RNF212B: variants seen among roughly 807,000 people sequenced by gnomAD.
RNF212B encodes the protein E3 ubiquitin-protein ligase RNF212B.
RNF212B carries 52 observed loss-of-function variants against 55.5 expected under a neutral mutation model. The ratio of observed to expected loss-of-function variants is 0.94; its 90% CI spans 0.75 to 1.18. RNF212B has a LOEUF of 1.18. RNF212B is among the 50% of genes most tolerant of loss of function. The pLI, the probability that RNF212B is intolerant of heterozygous loss-of-function variation, is 0.00. For missense variants in RNF212B, 289 were observed against 350.4 expected (o/e 0.82, Z 1.40); for synonymous variants, 99 against 121.4 (o/e 0.82, Z 1.21).
chr14:23,263,642 C>T (rs893369309), intron 9 of RNF212B, among the ~76,000 whole-genome samples: 1 of 152,122 alleles, frequency 6.6e-6, no homozygotes, highest in African/African-American at 2.4e-5. Flanking sequence ...GTCAGGGAAT[C>T]CCTCCTCTTG....
chr14:23,249,043 A>C (rs1487948901), intron 4 of RNF212B, among the ~76,000 whole-genome samples: 2 of 152,234 alleles, frequency 1.3e-5, no homozygotes, highest in East Asian at 3.8e-4. Context: ...ATGTTCCAAT[A>C]AAACTTATTT....
At chr14:23,268,687 A>G (rs1885863334) in intron 11 of RNF212B, among the ~76,000 whole-genome samples, 2 of 152,182 alleles carry the variant, frequency 1.3e-5, no homozygotes, top group South Asian at 4.1e-4. Flanking sequence ...CAGATACATG[A>G]GAGCACATGA....
intron 4 of RNF212B, among the ~76,000 whole-genome samples, chr14:23,244,718 T>C (rs973485983): frequency 2.6e-5 from 4 of 152,214 alleles, no homozygotes; most frequent in African/African-American, 9.6e-5. Context: ...CTTCTAAAAA[T>C]TGCTTTGAGT....
chr14:23,237,916 C>T (rs950719279), upstream of RNF212B, among the ~76,000 whole-genome samples: 2 of 152,228 alleles, frequency 1.3e-5, no homozygotes, highest in Non-Finnish European at 2.9e-5. Flanking sequence ...ACCTCTCACA[C>T]CGCCTCGGCT....
intron 4 of RNF212B, among the ~76,000 whole-genome samples, chr14:23,252,390 A>G (rs906930616): frequency 6.6e-6 from 1 of 152,186 alleles, no homozygotes; most frequent in African/African-American, 2.4e-5. Flanking sequence ...AAAAAAGTTT[A>G]TTATGATTTC....
At chr14:23,206,733 G>A (rs1879873333) in intron 2 of RNF212B, among the ~76,000 whole-genome samples, 1 of 152,068 alleles carries the variant, frequency 6.6e-6, no homozygotes, top group Non-Finnish European at 1.5e-5. Context: ...GTGCTAGAGG[G>A]AGACACTTTT....
chr14:23,194,859 TA>T (rs1390781562), intron 2 of RNF212B, among the ~76,000 whole-genome samples: 1 of 151,980 alleles, frequency 6.6e-6, no homozygotes, highest in Non-Finnish European at 1.5e-5. Flanking sequence ...AACTGTGCAT[TA>T]AAAAATAGAG....
chr14:23,247,636 T>C (rs779658853), intron 4 of RNF212B, among the ~76,000 whole-genome samples: 7 of 152,234 alleles, frequency 4.6e-5, no homozygotes, highest in East Asian at 1.9e-4. Flanking sequence ...TAATCTATTA[T>C]ATAAATGGAT....
At chr14:23,214,433 G>T (rs1880872603) in intron 2 of RNF212B, among the ~76,000 whole-genome samples, 1 of 152,088 alleles carries the variant, frequency 6.6e-6, no homozygotes, top group Admixed American at 6.5e-5. Context: ...GGTGGAGGTT[G>T]CGGTGAGCCC....
At chr14:23,268,494 T>C (rs748133082) in intron 11 of RNF212B, among the ~76,000 whole-genome samples, 4 of 152,248 alleles carry the variant, frequency 2.6e-5, no homozygotes, top group Admixed American at 6.5e-5. Context: ...CTGAAAAAGT[T>C]GATTCTGACC....
At chr14:23,192,421 C>A (rs1327232218) in intron 1 of RNF212B, among the ~76,000 whole-genome samples, 1 of 151,008 alleles carries the variant, frequency 6.6e-6, no homozygotes, top group East Asian at 2.0e-4. Flanking sequence ...TCATTCTCAG[C>A]AAACTATCAC....
At chr14:23,215,210 T>A (rs1566402806) in intron 2 of RNF212B, among the ~76,000 whole-genome samples, 1 of 152,150 alleles carries the variant, frequency 6.6e-6, no homozygotes, top group Non-Finnish European at 1.5e-5. Flanking sequence ...CCTGTTGTCA[T>A]GTAAGGTGTG....
At chr14:23,188,765 G>T (rs1430626163) in intron 1 of RNF212B, among the ~76,000 whole-genome samples, 1 of 152,082 alleles carries the variant, frequency 6.6e-6, no homozygotes, top group Non-Finnish European at 1.5e-5. Context: ...CCACTGTGCT[G>T]GGCCTCAGGT....
intron 4 of RNF212B, among the ~76,000 whole-genome samples, chr14:23,252,627 C>G (rs944484487): frequency 2.6e-5 from 4 of 151,998 alleles, no homozygotes; most frequent in Admixed American, 6.6e-5. Flanking sequence ...AAGGGTTGGA[C>G]AGGTAGTAAG....
At chr14:23,247,470 T>C (rs1437860963) in intron 4 of RNF212B, among the ~76,000 whole-genome samples, 1 of 152,082 alleles carries the variant, frequency 6.6e-6, no homozygotes, top group Non-Finnish European at 1.5e-5. Context: ...CTATGGTTTT[T>C]CCTGTTCAGG....
Position 23,260,055 on chromosome 14 carries a change from A to G in RNF212B, c.405+111A>G, listed in dbSNP as rs576796387. 4.5e-5 allele frequency: 25 copies of G among 559,274 alleles called. No homozygotes were observed. In the South Asian group the frequency reaches 6.5e-4, roughly 15 times the overall value. The allele number at this position is 559,274 out of a possible 1,614,324, so 34.6% of individuals were successfully genotyped here. A position where few individuals can be genotyped will look rare whatever the true frequency, so the allele number is the denominator to read the frequency against. On this transcript the variant is annotated intron_variant, in intron 6 of 14. Transcript: ENST00000430154. ...ATCTTTTTCTCATCATGGCACACAC[A>G]GAAATTGATATTTGTATAACAAGCA...
At chr14:23,249,034 T>C (rs1884216113) in intron 4 of RNF212B, among the ~76,000 whole-genome samples, 1 of 152,272 alleles carries the variant, frequency 6.6e-6, no homozygotes, top group African/African-American at 2.4e-5. Context: ...TGTGTAATTA[T>C]GTTCCAATAA....
intron 2 of RNF212B, 110 bp from the exon 3 acceptor site, chr14:23,243,146 C>A (rs1030089984): frequency 1.5e-5 from 11 of 717,620 alleles, no homozygotes; most frequent in Non-Finnish European, 2.1e-5. Flanking sequence ...AGTTAAGAAC[C>A]CTTTTTTTCT....
At chr14:23,210,793 A>AAAAAAAAAC (rs1880429366) in intron 2 of RNF212B, among the ~76,000 whole-genome samples, 1 of 151,006 alleles carries the variant, frequency 6.6e-6, no homozygotes, top group African/African-American at 2.4e-5. Context: ...AAAAAAAAAA[A>AAAAAAAAAC]AAGAAATGTA....
Sources: gnomAD v4.1 joint callset for allele counts (sites outside exome capture counted in the v4.1 genomes callset) on GRCh38, gnomAD v4.1.1 for gene constraint, MANE v1.5 for transcripts, NCBI Gene and HGNC (gene_info 2026-07-23, HGNC 2026-07-21) for gene names.